Variants in UBE2R2 observed in about 807,000 individuals in gnomAD.
UBE2R2 encodes the protein ubiquitin-conjugating enzyme E2 R2.
In UBE2R2, 1 loss-of-function variant was observed where a neutral mutation model predicts 27.8. That is an observed-to-expected ratio of 0.04 (90% CI 0.01 to 0.17). UBE2R2 has a LOEUF of 0.17. UBE2R2 is among the 10% of genes least tolerant of loss of function. The pLI is 1.00. For missense variants in UBE2R2, 100 were observed against 291.0 expected (o/e 0.34, Z 4.78); for synonymous variants, 106 against 113.3 (o/e 0.94, Z 0.41).
chr9:33,876,820 G>T (rs1464092355), intron 1 of UBE2R2, among the ~76,000 whole-genome samples: 3 of 151,768 alleles, frequency 2.0e-5, no homozygotes, highest in Non-Finnish European at 4.4e-5. Context: ...GGAGGCTGAG[G>T]CAGGAGAATG....
intron 2 of UBE2R2, among the ~76,000 whole-genome samples, chr9:33,891,852 A>G (rs982362596): frequency 6.6e-6 from 1 of 151,388 alleles, no homozygotes; most frequent in African/African-American, 2.4e-5. Context: ...GCTTATGCCT[A>G]TAATCCCAGC....
At chr9:33,835,145 G>GTTT (rs3060448) in intron 1 of UBE2R2, among the ~76,000 whole-genome samples, 7,432 of 112,034 alleles carry the variant, frequency 0.066, 486 homozygotes, top group Non-Finnish European at 0.096. Context: ...CTAAGTGTAG[G>GTTT]TTTTTTTTTT....
At chr9:33,844,285 A>G (rs1022463661) in intron 1 of UBE2R2, among the ~76,000 whole-genome samples, 6 of 152,134 alleles carry the variant, frequency 3.9e-5, no homozygotes, top group African/African-American at 1.4e-4. Context: ...GCTGACTGCA[A>G]CCTTCGCCTC....
intron 1 of UBE2R2, among the ~76,000 whole-genome samples, chr9:33,855,083 C>T (rs1322442811): frequency 6.6e-6 from 1 of 152,076 alleles, no homozygotes; most frequent in Non-Finnish European, 1.5e-5. Context: ...TCATTTGTTA[C>T]TTGACATATT....
Position 33,817,771 on chromosome 9 carries a change from A to G in UBE2R2, c.14A>G (p.Gln5Arg). The G allele has an allele frequency of 6.3e-7, 1 of 1,587,106 alleles. No individual in the cohort carries two copies. The highest frequency in any genetic ancestry group is 8.6e-7 in the Non-Finnish European group (1 of 1,167,552). MAQQ[Q>R]MTSSQKALML... ...GCCGCCGCCGCGATGGCCCAGCAGCAGATGACCAGCTCGCAGAAGGCCCTG... is the reference window on the plus strand; with the variant it reads ...GCCGCCGCCGCGATGGCCCAGCAGCGGATGACCAGCTCGCAGAAGGCCCTG... Residue 5 changes from glutamine (Q) to arginine (R), a missense_variant, in exon 1 of 5, where the codon CAG (glutamine) becomes CGG (arginine). Physicochemically the swap from Gln to Arg is conservative, Grantham distance 43 (BLOSUM62 1). Transcript: ENST00000263228.
At chr9:33,889,545 G>A (rs922777788) in intron 2 of UBE2R2, among the ~76,000 whole-genome samples, 9 of 151,926 alleles carry the variant, frequency 5.9e-5, no homozygotes, top group African/African-American at 2.2e-4. Flanking sequence ...CCATTCATGG[G>A]TGACACCAAA....
intron 2 of UBE2R2, among the ~76,000 whole-genome samples, chr9:33,896,288 T>G (rs1822103195): frequency 6.6e-6 from 1 of 152,154 alleles, no homozygotes; most frequent in Non-Finnish European, 1.5e-5. Flanking sequence ...TTCCTTTTTT[T>G]CTTTTCCTTG....
At chr9:33,911,900 G>A in intron 3 of UBE2R2, 64 bp from the exon 4 acceptor site, 1 of 1,473,000 alleles carries the variant, frequency 6.8e-7, no homozygotes. Flanking sequence ...ATCTTAAAAA[G>A]CAGAATACTT....
chr9:33,857,479 T>G (rs1478555688), intron 1 of UBE2R2, among the ~76,000 whole-genome samples: 1 of 151,980 alleles, frequency 6.6e-6, no homozygotes, highest in Non-Finnish European at 1.5e-5. Context: ...CCACCACACC[T>G]GGCTAGTTTT....
chr9:33,843,519 C>G (rs531877202), intron 1 of UBE2R2, among the ~76,000 whole-genome samples: 5 of 151,358 alleles, frequency 3.3e-5, no homozygotes, highest in Non-Finnish European at 7.4e-5. Context: ...GGCTATGTCT[C>G]CCAGGCTAGA....
At chr9:33,893,858 C>CTGG (rs1277898445) in intron 2 of UBE2R2, among the ~76,000 whole-genome samples, 6 of 152,126 alleles carry the variant, frequency 3.9e-5, no homozygotes, top group African/African-American at 1.2e-4. Flanking sequence ...TCTAGAACTC[C>CTGG]TGGCATCAAG....
chr9:33,823,080 A>G (rs1056662812), intron 1 of UBE2R2, among the ~76,000 whole-genome samples: 4 of 146,922 alleles, frequency 2.7e-5, no homozygotes, highest in Non-Finnish European at 6.0e-5. Flanking sequence ...AATTTTTGTA[A>G]TTTTTAGTAG....
At chr9:33,860,470 T>C (rs1415856748) in intron 1 of UBE2R2, among the ~76,000 whole-genome samples, 1 of 152,224 alleles carries the variant, frequency 6.6e-6, no homozygotes, top group Admixed American at 6.5e-5. Flanking sequence ...ATTCTTTGAA[T>C]TCTTGTGTGC....
In UBE2R2 at chr9:33,891,047, G is replaced by GTTTTTTTGTTTGTTT. The variant is rs1554676111; in HGVS notation, c.264+4091_264+4092insGTTTTTTTTTTGTTT. The stretch of plus-strand genomic sequence containing the variant: ...ATGTCATGTTTTTTGTTGTTGTTGT[G>GTTTTTTTGTTTGTTT]TTTTTTTGTTTTTTTTTTTTGAGAT... On this transcript the variant is annotated intron_variant, in intron 2 of 4. Coordinates refer to ENST00000263228, the MANE Select transcript of UBE2R2 (RefSeq NM_017811.4). Among the ~76,000 whole-genome samples, 8 of 126,412 alleles carry GTTTTTTTGTTTGTTT rather than the reference G, an allele frequency of 6.3e-5. No individual in the cohort carries two copies. The East Asian group carries it at 1.6e-3, about 26-fold the overall frequency. 82.9% of individuals were successfully genotyped at this position (126,412 alleles called of 152,430 possible).
In UBE2R2 at chr9:33,919,992, CTTT is replaced by C. The variant is rs914000883; in HGVS notation, c.*2759_*2761del. ...CCAGAGTTATTTTCTATTAGTCAAA[CTTT>C]TTTGTAGAACCTTCTTTCCCTTACC... On this transcript the variant is annotated 3_prime_UTR_variant, in exon 5 of 5. Coordinates refer to ENST00000263228, the MANE Select transcript of UBE2R2 (RefSeq NM_017811.4). The C allele has an allele frequency of 7.2e-5, 11 of 152,158 alleles. No individual in the cohort carries two copies. The highest frequency in any genetic ancestry group is 2.4e-4 in the African/African-American group (10 of 41,412). 9.4% of individuals were successfully genotyped at this position (152,158 alleles called of 1,614,324 possible). A position where few individuals can be genotyped will look rare whatever the true frequency, so the allele number is the denominator to read the frequency against.
intron 1 of UBE2R2, among the ~76,000 whole-genome samples, chr9:33,827,674 T>C (rs1820345526): frequency 6.6e-6 from 1 of 151,100 alleles, no homozygotes; most frequent in African/African-American, 2.4e-5. Context: ...TAAAATTAAA[T>C]TAAAAATTAA....
chr9:33,839,037 G>A (rs190472923), intron 1 of UBE2R2, among the ~76,000 whole-genome samples: 42 of 148,388 alleles, frequency 2.8e-4, no homozygotes, highest in Non-Finnish European at 5.3e-4. Context: ...AGCTGAGATC[G>A]AGGCACTGTA....
intron 3 of UBE2R2, among the ~76,000 whole-genome samples, chr9:33,906,773 A>G (rs1361986797): frequency 2.0e-5 from 3 of 152,188 alleles, no homozygotes; most frequent in Non-Finnish European, 4.4e-5. Context: ...GCAGTGGCTC[A>G]TGTCCTTAAT....
At chr9:33,826,676 G>A (rs1820322317) in intron 1 of UBE2R2, among the ~76,000 whole-genome samples, 1 of 151,992 alleles carries the variant, frequency 6.6e-6, no homozygotes, top group Admixed American at 6.6e-5. Context: ...TCCAGTCTGG[G>A]CAACAGAGTG....
Sources: gnomAD v4.1 joint callset for allele counts (sites outside exome capture counted in the v4.1 genomes callset) on GRCh38, gnomAD v4.1.1 for gene constraint, MANE v1.5 for transcripts, NCBI Gene and HGNC (gene_info 2026-07-23, HGNC 2026-07-21) for gene names.